The following ZNF503 variants were observed in gnomAD, a reference collection of about 807,000 sequenced individuals.
ZNF503 encodes NocA-like zinc finger 2.
ZNF503 carries 15 observed loss-of-function variants against 34.4 expected under a neutral mutation model. The ratio of observed to expected loss-of-function variants is 0.44; its 90% confidence interval spans 0.29 to 0.67. ZNF503 has a LOEUF of 0.67. ZNF503 is among the 30% of genes least tolerant of loss of function. The pLI is 0.13. For missense variants in ZNF503, 1,007 were observed against 926.8 expected, an observed-to-expected ratio of 1.09 and a Z score of -1.12; for synonymous variants, 580 against 456.8, an observed-to-expected ratio of 1.27 and a Z score of -3.44.
At chr10:75,297,375 C>G in the ZNF503 span, among the ~76,000 whole-genome samples, 8 of 152,176 alleles carry the variant, frequency 5.3e-5, no homozygotes, top group Admixed American at 6.5e-5. Context: ...TTTACTCATT[C>G]AAGAAATGTA....
At chr10:75,291,890 T>C in the ZNF503 span, among the ~76,000 whole-genome samples, 1 of 152,236 alleles carries the variant, frequency 6.6e-6, no homozygotes. Flanking sequence ...GGCTTTCTGC[T>C]GGATGGCAGT....
chr10:75,329,400 T>TCCCTTCCTC, the ZNF503 span, among the ~76,000 whole-genome samples: 60 of 85,102 alleles, frequency 7.1e-4, no homozygotes, highest in African/African-American at 2.7e-3. Flanking sequence ...CTTCCTTCCT[T>TCCCTTCCTC]CCTTCCTTCC....
downstream of ZNF503, among the ~76,000 whole-genome samples, chr10:75,395,945 G>A (rs577717197): frequency 1.1e-4 from 16 of 152,244 alleles, no homozygotes; most frequent in Non-Finnish European, 1.9e-4. The surrounding 1 kb of genome is among the most constrained non-coding windows in gnomAD (Gnocchi z 4.4). Flanking sequence ...CTTCCGGGCC[G>A]GCAAGGTGTG....
the ZNF503 span, among the ~76,000 whole-genome samples, chr10:75,355,042 G>A: frequency 5.4e-4 from 82 of 151,794 alleles, no homozygotes; most frequent in Non-Finnish European, 9.0e-4. Context: ...ACAGGGTTCC[G>A]CCATGTTGGT....
the ZNF503 span, among the ~76,000 whole-genome samples, chr10:75,389,253 C>A: frequency 6.6e-6 from 1 of 152,190 alleles, no homozygotes; most frequent in South Asian, 2.1e-4. Flanking sequence ...AACGGGACAA[C>A]CAAAAGGCTC....
chr10:75,391,692 C>A, the ZNF503 span, among the ~76,000 whole-genome samples: 3 of 152,170 alleles, frequency 2.0e-5, no homozygotes, highest in Admixed American at 2.0e-4. Context: ...ATAATTTTAT[C>A]CAAGAGTTCC....
Position 75,399,913 on chromosome 10 carries a change from G to A in ZNF503, c.777C>T (p.Asp259=). ...CGGTGCCCTTGCCACCGCCGCCCAC[G>A]TCGGTGTCTTTCTTGTCGTCCTTGC... ...PEGKDDKKDT[D]VGGGGKGTGG... Residue 259 remains aspartate, a synonymous_variant, in exon 2 of 2, where the codon GAC becomes GAT. Coordinates refer to ENST00000372524, the MANE Select transcript of ZNF503 (RefSeq NM_032772.6). The A allele has an allele frequency of 1.2e-6, 2 of 1,605,756 alleles. No individual in the cohort carries two copies. Among genetic ancestry groups the A allele is most frequent in the East Asian group, 2.2e-5 (1 of 44,696 alleles).
the ZNF503 span, among the ~76,000 whole-genome samples, chr10:75,339,889 C>T: frequency 6.6e-6 from 1 of 151,908 alleles, no homozygotes; most frequent in Non-Finnish European, 1.5e-5. Context: ...TCTGCTTAGA[C>T]TAGGGAGTGA....
At chr10:75,302,458 C>G in the ZNF503 span, among the ~76,000 whole-genome samples, 5 of 152,120 alleles carry the variant, frequency 3.3e-5, no homozygotes, top group Non-Finnish European at 7.4e-5. Context: ...CCCATTCTCT[C>G]TACTCTTCTT....
chr10:75,351,001 C>A, the ZNF503 span, among the ~76,000 whole-genome samples: 1 of 152,172 alleles, frequency 6.6e-6, no homozygotes, highest in Non-Finnish European at 1.5e-5. Context: ...TCTACATATT[C>A]CACAGATGAG....
chr10:75,331,841 G>A, the ZNF503 span, among the ~76,000 whole-genome samples: 1 of 152,068 alleles, frequency 6.6e-6, no homozygotes, highest in Non-Finnish European at 1.5e-5. Context: ...TGATATAGCA[G>A]GTGCTCCAGT....
At chr10:75,290,790 A>G in the ZNF503 span, among the ~76,000 whole-genome samples, 1 of 152,224 alleles carries the variant, frequency 6.6e-6, no homozygotes, top group Non-Finnish European at 1.5e-5. Flanking sequence ...GTTGAACTGA[A>G]AAAGAGCCCT....
chr10:75,310,480 C>T, the ZNF503 span, among the ~76,000 whole-genome samples: 8 of 152,220 alleles, frequency 5.3e-5, 1 homozygote, highest in Non-Finnish European at 1.0e-4. Flanking sequence ...AACTTTCAGA[C>T]AATAATCATT....
chr10:75,323,107 T>C, the ZNF503 span, among the ~76,000 whole-genome samples: 278 of 152,300 alleles, frequency 1.8e-3, 2 homozygotes, highest in South Asian at 0.015. Flanking sequence ...CCCCTGGATG[T>C]ACCTGTTTTC....
At chr10:75,400,493 C>T in intron 1 of ZNF503, 119 bp from the exon 2 acceptor site, 6 of 1,437,752 alleles carry the variant, frequency 4.2e-6, no homozygotes, top group Non-Finnish European at 5.5e-6. Flanking sequence ...ATCCTCCCAG[C>T]CCCAAGGCGC....
At chr10:75,283,054 A>C in the ZNF503 span, among the ~76,000 whole-genome samples, 1 of 152,242 alleles carries the variant, frequency 6.6e-6, no homozygotes, top group African/African-American at 2.4e-5. Flanking sequence ...TGATAGTTCT[A>C]AGAATTAATT....
At chr10:75,299,341 GT>G in the ZNF503 span, among the ~76,000 whole-genome samples, 1 of 152,038 alleles carries the variant, frequency 6.6e-6, no homozygotes, top group African/African-American at 2.4e-5. Flanking sequence ...CCCCCATAAC[GT>G]TTTTTAAATC....
rs575601809 is a variant in ZNF503, at chr10:75,400,673, T to C, written c.316-299A>G. On this transcript the variant is annotated intron_variant, in intron 1 of 1. Transcript: ENST00000372524. The stretch of plus-strand genomic sequence containing the variant: ...GCAAAATGTTTTGGTTTTCGGTTCC[T>C]AGACCCAGAACTGTACCCCCTCCCC... 3.0e-4 allele frequency among the ~76,000 whole-genome samples: 45 copies of C among 152,326 alleles called. No homozygotes were observed. The South Asian group carries it at 9.3e-3, about 32-fold the overall frequency.
At chr10:75,314,005 C>T in the ZNF503 span, among the ~76,000 whole-genome samples, 1 of 152,188 alleles carries the variant, frequency 6.6e-6, no homozygotes, top group Admixed American at 6.5e-5. Flanking sequence ...GAAGATACCA[C>T]AACAGTGCAA....
Sources: allele counts gnomAD v4.1 joint callset (sites outside exome capture counted in the v4.1 genomes callset), GRCh38; gene constraint gnomAD v4.1.1; non-coding constraint Gnocchi (gnomAD v3.1); transcripts MANE v1.5; gene names NCBI Gene and HGNC (gene_info 2026-07-23, HGNC 2026-07-21).